The following CAMK1D variants were observed in gnomAD, a reference collection of about 807,000 sequenced individuals.
CAMK1D encodes the protein calcium/calmodulin dependent protein kinase ID, also known as calcium/calmodulin-dependent protein kinase type 1D.
A neutral mutation model predicts 47.7 loss-of-function variants in CAMK1D; 9 were observed. The ratio of observed to expected loss-of-function variants is 0.19; its 90% CI spans 0.11 to 0.33. CAMK1D has a LOEUF of 0.33. Ranked by LOEUF, CAMK1D falls within the 10% of genes least tolerant of loss-of-function variation. The pLI, the probability that CAMK1D is intolerant of heterozygous loss-of-function variation, is 1.00. For synonymous variants in CAMK1D, 184 were observed against 184.9 expected (o/e 0.99, Z 0.04); for missense variants, 291 against 488.7 (o/e 0.60, Z 3.81).
At chr10:12,695,620 G>T (rs1009753435) in intron 3 of CAMK1D, among the ~76,000 whole-genome samples, 2 of 152,164 alleles carry the variant, frequency 1.3e-5, no homozygotes, top group African/African-American at 4.8e-5. Context: ...ATGCAGTGCC[G>T]TGAAAAAGTG....
chr10:12,563,730 C>A (rs1348698469), intron 2 of CAMK1D, among the ~76,000 whole-genome samples: 1 of 140,076 alleles, frequency 7.1e-6, no homozygotes. Flanking sequence ...AATGAGGATT[C>A]CTTTATGGCA....
chr10:12,687,391 G>A (rs1224600919), intron 3 of CAMK1D, among the ~76,000 whole-genome samples: 1 of 152,082 alleles, frequency 6.6e-6, no homozygotes, highest in East Asian at 1.9e-4. Context: ...TCCCTACTGG[G>A]TTTTACATTT....
intron 1 of CAMK1D, among the ~76,000 whole-genome samples, chr10:12,484,247 C>T (rs1834146413): frequency 6.6e-6 from 1 of 152,214 alleles, no homozygotes; most frequent in Non-Finnish European, 1.5e-5. Flanking sequence ...CATTGCAATC[C>T]CTGCTTCCGG....
rs1482909908 is a variant in CAMK1D, at chr10:12,694,494, CAT to C, written c.299+27686_299+27687del. ...TATATAAAATATATATGATATATAA[CAT>C]AAAATATATATTATATAAAATATAT... On this transcript the variant is annotated intron_variant, in intron 3 of 10. Coordinates refer to ENST00000619168, the MANE Select transcript of CAMK1D (RefSeq NM_153498.4). 4.1e-4 allele frequency among the ~76,000 whole-genome samples: 40 copies of C among 98,086 alleles called. 1 individual carries two copies. Among genetic ancestry groups the C allele is most frequent in the Non-Finnish European group, 4.1e-4 (21 of 51,044 alleles). The allele number at this position is 98,086 out of a possible 152,430, so 64.3% of individuals were successfully genotyped here.
At chr10:12,738,125 G>C (rs1480566109) in intron 3 of CAMK1D, among the ~76,000 whole-genome samples, 1 of 152,208 alleles carries the variant, frequency 6.6e-6, no homozygotes, top group East Asian at 1.9e-4. Flanking sequence ...AAAAGCATCT[G>C]TAGGTGACAA....
intron 3 of CAMK1D, among the ~76,000 whole-genome samples, chr10:12,695,906 G>C (rs143261437): frequency 0.015 from 2,230 of 152,014 alleles, 57 homozygotes; most frequent in African/African-American, 0.051. Context: ...GTGAAACCCC[G>C]TCTCTACTAA....
At chr10:12,506,411 C>T (rs564279107) in intron 1 of CAMK1D, among the ~76,000 whole-genome samples, 9 of 152,228 alleles carry the variant, frequency 5.9e-5, no homozygotes, top group African/African-American at 1.9e-4. Flanking sequence ...CACAGTGAGA[C>T]TCTGTCTCAA....
chr10:12,801,113 G>A (rs1434189919), intron 6 of CAMK1D, among the ~76,000 whole-genome samples: 1 of 152,108 alleles, frequency 6.6e-6, no homozygotes, highest in East Asian at 1.9e-4. Context: ...AGGAACCTGA[G>A]AAGGAGGAGA....
chr10:12,803,480 G>A (rs12768393), intron 6 of CAMK1D, among the ~76,000 whole-genome samples: 31,071 of 151,858 alleles, frequency 0.2, 3,728 homozygotes, highest in Admixed American at 0.29. Flanking sequence ...TCAGGAGTTC[G>A]AGACCAGCCT....
intron 6 of CAMK1D, among the ~76,000 whole-genome samples, chr10:12,801,347 ATCTATCTTATCTATCTATCTATCTATCT>A (rs1349933401): frequency 6.6e-5 from 7 of 106,418 alleles, no homozygotes; most frequent in African/African-American, 3.3e-4. Flanking sequence ...CTATCTATCT[ATCTATCTTATCTATCTATCTATCTATCT>A]ATCTATCTAT....
At chr10:12,585,655 G>T (rs1392541264) in intron 2 of CAMK1D, among the ~76,000 whole-genome samples, 6 of 152,150 alleles carry the variant, frequency 3.9e-5, no homozygotes, top group Non-Finnish European at 7.3e-5. Context: ...AAAACCATTA[G>T]ATCTCATGAG....
chr10:12,357,814 T>G (rs187026716), intron 1 of CAMK1D, among the ~76,000 whole-genome samples: 11 of 152,256 alleles, frequency 7.2e-5, no homozygotes, highest in Admixed American at 5.9e-4. Context: ...TGACTTTCTG[T>G]GGTGAGGGAG....
chr10:12,419,660 ACAC>A (rs1839980381), intron 1 of CAMK1D, among the ~76,000 whole-genome samples: 4 of 151,948 alleles, frequency 2.6e-5, no homozygotes, highest in African/African-American at 9.7e-5. Context: ...ACACACACAC[ACAC>A]ACACACGCAA....
intron 1 of CAMK1D, among the ~76,000 whole-genome samples, chr10:12,424,192 C>T (rs1015542716): frequency 6.6e-6 from 1 of 152,098 alleles, no homozygotes; most frequent in African/African-American, 2.4e-5. Context: ...CCAGCTGCTC[C>T]TGGATACCTC....
intron 3 of CAMK1D, among the ~76,000 whole-genome samples, chr10:12,743,498 T>C (rs1156402410): frequency 7.9e-5 from 12 of 152,070 alleles, no homozygotes; most frequent in Admixed American, 7.9e-4. Context: ...AAGGGAAGAA[T>C]GCACTTAAAA....
intron 3 of CAMK1D, among the ~76,000 whole-genome samples, chr10:12,685,361 A>G (rs1016799052): frequency 6.6e-6 from 1 of 152,192 alleles, no homozygotes; most frequent in Non-Finnish European, 1.5e-5. Flanking sequence ...ACCTTTAGTG[A>G]CCTTTAGTTG....
In CAMK1D at chr10:12,731,832, C is replaced by T. The variant is rs552026726; in HGVS notation, c.300-29116C>T. On this transcript the variant is annotated intron_variant, in intron 3 of 10. Transcript: ENST00000619168. ...AAGGTGGAGATCAGAGAGGAGGCTGCTTGATGGTGAGATTTAGGATGGGGT... is the reference window on the plus strand; with the variant it reads ...AAGGTGGAGATCAGAGAGGAGGCTGTTTGATGGTGAGATTTAGGATGGGGT... Among the ~76,000 whole-genome samples, 4 of 152,158 alleles carry T rather than the reference C, an allele frequency of 2.6e-5. No individual in the cohort carries two copies. In the East Asian group the frequency reaches 5.8e-4, roughly 22 times the overall value.
chr10:12,615,636 C>T (rs1838768899), intron 2 of CAMK1D, among the ~76,000 whole-genome samples: 1 of 144,506 alleles, frequency 6.9e-6, no homozygotes, highest in African/African-American at 2.7e-5. Flanking sequence ...TGTGAGTGCA[C>T]GTGTTTGTAC....
chr10:12,763,091 T>C (rs1564543293), intron 4 of CAMK1D, among the ~76,000 whole-genome samples: 1 of 152,340 alleles, frequency 6.6e-6, no homozygotes, highest in East Asian at 1.9e-4. Context: ...CGTAATGCTT[T>C]TGGAGGAATC....
Sources: gnomAD v4.1 joint callset for allele counts (sites outside exome capture counted in the v4.1 genomes callset) on GRCh38, gnomAD v4.1.1 for gene constraint, MANE v1.5 for transcripts, NCBI Gene and HGNC (gene_info 2026-07-23, HGNC 2026-07-21) for gene names.